The following MLF1 variants were observed in gnomAD, a reference collection of about 807,000 sequenced individuals.
MLF1 encodes the protein myeloid leukemia factor 1, also known as myelodysplasia-myeloid leukemia factor 1.
A neutral mutation model predicts 38.3 loss-of-function variants in MLF1; 37 were observed. The ratio of observed to expected loss-of-function variants is 0.96; its 90% confidence interval spans 0.74 to 1.27. The LOEUF (loss-of-function observed/expected upper bound fraction) is 1.27. MLF1 is among the 50% of genes most tolerant of loss of function. The pLI, the probability that MLF1 is intolerant of heterozygous loss-of-function variation, is 0.00. For missense variants in MLF1, 331 were observed against 349.2 expected, an observed-to-expected ratio of 0.95 and a Z score of 0.42; for synonymous variants, 95 against 106.5, an observed-to-expected ratio of 0.89 and a Z score of 0.66.
chr3:158,603,176 C>T lies in MLF1; in HGVS notation c.746+237C>T, dbSNP rs140677332. Among the ~76,000 whole-genome samples, 209 of 152,188 alleles carry T rather than the reference C, an allele frequency of 1.4e-3. 1 individual carries two copies. Among genetic ancestry groups the T allele is most frequent in the African/African-American group, 4.6e-3 (189 of 41,520 alleles). ...GTTAGTAATTCACTAGTAAACTATG[C>T]CTCAGAAGACAGAGACCAAAATCCT... On this transcript the variant is annotated intron_variant, in intron 7 of 7. Transcript: ENST00000466246.
At chr3:158,592,277 A>G (rs186420577) in intron 1 of MLF1, among the ~76,000 whole-genome samples, 157 bp from the exon 2 acceptor site, 1 of 152,320 alleles carries the variant, frequency 6.6e-6, no homozygotes, top group Admixed American at 6.5e-5. Flanking sequence ...TTTATGAGAT[A>G]ATTCTATTCT....
At chr3:158,584,658 AGTGTGTGTGTGT>A (rs56885799) in intron 1 of MLF1, among the ~76,000 whole-genome samples, 21 of 134,382 alleles carry the variant, frequency 1.6e-4, no homozygotes, top group South Asian at 2.5e-4. Flanking sequence ...CCATAAAGAA[AGTGTGTGTGTGT>A]GTGTGTGTGT....
intron 6 of MLF1, among the ~76,000 whole-genome samples, chr3:158,602,349 A>G (rs1719916038): frequency 6.6e-6 from 1 of 152,236 alleles, no homozygotes; most frequent in African/African-American, 2.4e-5. Context: ...TCATAACAAC[A>G]TGAATTGACA....
chr3:158,584,196 G>C (rs556596270), intron 1 of MLF1, among the ~76,000 whole-genome samples: 2 of 152,142 alleles, frequency 1.3e-5, no homozygotes. Flanking sequence ...TCCCCAAAAG[G>C]AGAGAGCCAG....
chr3:158,598,142 C>CA lies in MLF1; in HGVS notation c.391dup (p.Ile131AsnfsTer4), dbSNP rs758901457. ...GTTCTTCCTCAGTTATGACTTATTCCAAAATAGGAGATGAACCGCCAAAGG... is the reference window on the plus strand; with the variant it reads ...GTTCTTCCTCAGTTATGACTTATTCCAAAAATAGGAGATGAACCGCCAAAGG... On this transcript the variant is annotated frameshift_variant, in exon 5 of 8. Transcript: ENST00000466246. LOFTEE classifies it high-confidence loss of function. The CA allele has an allele frequency of 8.1e-6, 13 of 1,613,600 alleles. No individual in the cohort carries two copies. The highest frequency in any genetic ancestry group is 1.1e-5 in the Non-Finnish European group (13 of 1,179,830).
At chr3:158,591,265 TTC>T (rs754125907) in intron 1 of MLF1, 17 of 414,244 alleles carry the variant, frequency 4.1e-5, no homozygotes, top group Middle Eastern at 8.4e-4. Flanking sequence ...GTTCAAGCAA[TTC>T]TCCTGCCTCA....
chr3:158,575,008 A>G (rs774594042), intron 1 of MLF1, among the ~76,000 whole-genome samples: 1 of 152,188 alleles, frequency 6.6e-6, no homozygotes, highest in Non-Finnish European at 1.5e-5. Context: ...AATGTCTAGC[A>G]GAAGTGTAAT....
At chr3:158,588,476 C>T (rs1054672881) in intron 1 of MLF1, among the ~76,000 whole-genome samples, 4 of 151,972 alleles carry the variant, frequency 2.6e-5, no homozygotes, top group African/African-American at 7.2e-5. Context: ...TGGCTGGTGC[C>T]TGTAGTCCCA....
intron 1 of MLF1, among the ~76,000 whole-genome samples, chr3:158,591,581 A>G (rs1200422106): frequency 5.3e-5 from 8 of 152,198 alleles, no homozygotes; most frequent in Admixed American, 1.3e-4. Context: ...AGGCCAGACT[A>G]TTGGAGAGGG....
chr3:158,572,341 G>A (rs977237647), intron 1 of MLF1, among the ~76,000 whole-genome samples: 1 of 144,558 alleles, frequency 6.9e-6, no homozygotes, highest in Non-Finnish European at 1.5e-5. Context: ...AGGGACGAGG[G>A]TTGAGGGCGT....
At chr3:158,573,074 C>T (rs1393020982) in intron 1 of MLF1, among the ~76,000 whole-genome samples, 3 of 151,348 alleles carry the variant, frequency 2.0e-5, no homozygotes, top group African/African-American at 7.3e-5. Context: ...CAAATGGGAG[C>T]AGGGAATATT....
chr3:158,600,012 A>G lies in MLF1; in HGVS notation c.454-2A>G. On this transcript the variant is annotated splice_acceptor_variant, in intron 5 of 7. Transcript: ENST00000466246. LOFTEE classifies it high-confidence loss of function. ...AATAATAAAATTTCTTTATTTTTAC[A>G]GATAAAGGAAACCAGGAAAGCAATG... The G allele has an allele frequency of 7.3e-7, 1 of 1,362,494 alleles. No homozygotes were observed. The highest frequency in any genetic ancestry group is 9.6e-7 in the Non-Finnish European group (1 of 1,046,840). The allele number at this position is 1,362,494 out of a possible 1,614,324, so 84.4% of individuals were successfully genotyped here. A position where few individuals can be genotyped will look rare whatever the true frequency, so the allele number is the denominator to read the frequency against.
At chr3:158,597,987 A>G in intron 4 of MLF1, 93 bp from the exon 5 acceptor site, 1 of 1,318,384 alleles carries the variant, frequency 7.6e-7, no homozygotes, top group Non-Finnish European at 1.1e-6. Context: ...TATCCTTAGT[A>G]GAACTTACAG....
chr3:158,576,475 T>C (rs1396546350), intron 1 of MLF1, among the ~76,000 whole-genome samples: 5 of 152,312 alleles, frequency 3.3e-5, no homozygotes, highest in African/African-American at 9.6e-5. Flanking sequence ...ACATCGATTA[T>C]GTAGTATGAA....
intron 3 of MLF1, among the ~76,000 whole-genome samples, chr3:158,596,131 T>C (rs1718837862): frequency 6.6e-6 from 1 of 152,142 alleles, no homozygotes; most frequent in African/African-American, 2.4e-5. Flanking sequence ...GCTAGTTATA[T>C]GCTCTCTTCA....
At chr3:158,571,459 T>C (rs2108525355) in intron 1 of MLF1, 112 bp downstream of exon 1, 1 of 1,346,962 alleles carries the variant, frequency 7.4e-7, no homozygotes, top group Non-Finnish European at 1.0e-6. Context: ...TCGGAGTAAC[T>C]CTGGAGGCGG....
intron 1 of MLF1, among the ~76,000 whole-genome samples, chr3:158,572,081 G>A (rs115483681): frequency 0.08 from 7,334 of 91,690 alleles, 603 homozygotes; most frequent in Non-Finnish European, 0.1. Flanking sequence ...GGTTGAGGGC[G>A]TGAGGTGGGG....
At chr3:158,582,897 TA>T (rs1385450765) in intron 1 of MLF1, 2 of 690,098 alleles carry the variant, frequency 2.9e-6, no homozygotes, top group Admixed American at 2.1e-5. Flanking sequence ...TGATGTACAT[TA>T]AAAAAGCAAG....
At position 158,606,031 on chromosome 3, in the gene MLF1, A is replaced by G; in HGVS notation, c.*829A>G. On this transcript the variant is annotated 3_prime_UTR_variant, in exon 8 of 8. Transcript: ENST00000466246. ...CTCAGCTTTTTTGTGACATTTAGAA[A>G]AATGCATTTGGTATTCTCCAAACCA... is the stretch of plus-strand genomic sequence containing the variant. 2 of 183,016 alleles carry G rather than the reference A, an allele frequency of 1.1e-5. No homozygotes were observed. Among genetic ancestry groups the G allele is most frequent in the Non-Finnish European group, 2.3e-5 (2 of 86,050 alleles). The allele number at this position is 183,016 out of a possible 1,614,324, so 11.3% of individuals were successfully genotyped here. A position where few individuals can be genotyped will look rare whatever the true frequency, so the allele number is the denominator to read the frequency against.
Sources: gnomAD v4.1 joint callset for allele counts (sites outside exome capture counted in the v4.1 genomes callset) on GRCh38, gnomAD v4.1.1 for gene constraint, MANE v1.5 for transcripts, NCBI Gene and HGNC (gene_info 2026-07-23, HGNC 2026-07-21) for gene names.